Variants in FBXO42 observed in about 807,000 individuals in gnomAD.
FBXO42 encodes F-box protein 42.
FBXO42 carries 12 observed loss-of-function variants against 71.7 expected under a neutral mutation model. The observed-to-expected ratio is 0.17, with a 90% CI of 0.11 to 0.27. The LOEUF (loss-of-function observed/expected upper bound fraction) is 0.27. Among genes scored for constraint, FBXO42 ranks in the 10% least tolerant of loss-of-function variants. FBXO42 has a pLI of 1.00. For missense variants in FBXO42, 707 were observed against 911.9 expected, an observed-to-expected ratio of 0.78 and a Z score of 2.89; for synonymous variants, 325 against 327.5, an observed-to-expected ratio of 0.99 and a Z score of 0.08.
intron 4 of FBXO42, among the ~76,000 whole-genome samples, chr1:16,274,812 G>C (rs570033002): frequency 6.6e-6 from 1 of 151,374 alleles, no homozygotes; most frequent in Non-Finnish European, 1.5e-5. Flanking sequence ...GGATTCTCTC[G>C]ATCTCCTGAT....
At position 16,255,784 on chromosome 1, in the gene FBXO42, T is replaced by C. The variant is rs2081636813; in HGVS notation, c.694A>G (p.Met232Val). The change falls in exon 6 of 10, where the codon ATG becomes GTG. Residue 232 changes from methionine to valine, a missense_variant. Coordinates refer to ENST00000375592, the MANE Select transcript of FBXO42 (RefSeq NM_018994.3). ...ATCACACAGGAGGAGTGGCCAGCCA[T>C]GGGAGGTGGCCCATGGGTTGTCACA... ...CIVTTHGPPP[M>V]AGHSSCVIDD... The C allele has an allele frequency of 6.2e-7, 1 of 1,613,870 alleles. No individual in the cohort carries two copies. The highest frequency in any genetic ancestry group is 1.3e-5 in the African/African-American group (1 of 74,886).
intron 6 of FBXO42, 47 bp from the exon 7 acceptor site, chr1:16,253,778 G>T: frequency 6.5e-7 from 1 of 1,542,962 alleles, no homozygotes. Flanking sequence ...AGCTCCCAGG[G>T]ACCATAATGG....
intron 1 of FBXO42, among the ~76,000 whole-genome samples, chr1:16,326,826 A>G (rs1283663471): frequency 6.6e-6 from 1 of 152,164 alleles, no homozygotes; most frequent in Non-Finnish European, 1.5e-5. Context: ...ACAAACAACT[A>G]ATAAAACATG....
chr1:16,347,929 C>T (rs1233811266), intron 1 of FBXO42, among the ~76,000 whole-genome samples: 1 of 148,580 alleles, frequency 6.7e-6, no homozygotes, highest in Non-Finnish European at 1.5e-5. Flanking sequence ...GTGGAGCTTG[C>T]AGTGAGCCGA....
chr1:16,276,359 G>A (rs2081902873), intron 4 of FBXO42, among the ~76,000 whole-genome samples: 1 of 144,040 alleles, frequency 6.9e-6, no homozygotes, highest in South Asian at 2.2e-4. Flanking sequence ...CAGCCCGGGC[G>A]ACAGACCGAC....
chr1:16,335,497 CCTTCCTT>C (rs992543159), intron 1 of FBXO42, among the ~76,000 whole-genome samples: 1 of 152,138 alleles, frequency 6.6e-6, no homozygotes, highest in Non-Finnish European at 1.5e-5. Flanking sequence ...TTTCCCACTT[CCTTCCTT>C]CTTCCTTCTT....
chr1:16,352,002 G>A (rs1258318806), intron 1 of FBXO42, among the ~76,000 whole-genome samples: 2 of 152,136 alleles, frequency 1.3e-5, no homozygotes, highest in Non-Finnish European at 2.9e-5. Context: ...GTGAGGGGAC[G>A]AGAACCACCC....
intron 4 of FBXO42, among the ~76,000 whole-genome samples, chr1:16,281,626 G>A (rs2081965059): frequency 6.6e-6 from 1 of 151,074 alleles, no homozygotes; most frequent in Non-Finnish European, 1.5e-5. Flanking sequence ...GGATCACCAT[G>A]CCTGGCTAAT....
chr1:16,319,474 T>G (rs555381750), intron 1 of FBXO42, among the ~76,000 whole-genome samples: 1 of 152,308 alleles, frequency 6.6e-6, no homozygotes, highest in South Asian at 2.1e-4. Flanking sequence ...ATCAGCAAAT[T>G]GGTGGCTACT....
At chr1:16,285,663 TC>T (rs2082014387) in intron 4 of FBXO42, among the ~76,000 whole-genome samples, 1 of 152,214 alleles carries the variant, frequency 6.6e-6, no homozygotes, top group African/African-American at 2.4e-5. Flanking sequence ...AGGGTAATTC[TC>T]AGTCTTTACA....
At position 16,300,532 on chromosome 1, in the gene FBXO42, T is replaced by A. The variant is rs1220934453; in HGVS notation, c.367+5271A>T. ...CATTTTCAGACGTCAAATTCTCTTT[T>A]GTTTCTTCACCTGTCTCCAGGGAAA... On this transcript the variant is annotated intron_variant, in intron 3 of 9. Coordinates refer to ENST00000375592, the MANE Select transcript of FBXO42 (RefSeq NM_018994.3). 3.3e-5 allele frequency among the ~76,000 whole-genome samples: 5 copies of A among 152,340 alleles called. No individual in the cohort carries two copies. The East Asian group carries it at 9.6e-4, about 29-fold the overall frequency.
In FBXO42 at chr1:16,297,575, G is replaced by A. The variant is rs905027528; in HGVS notation, c.368-2658C>T. ...CCCCAGAACTCTACTAAGAAGTCAA[G>A]TCCAGGCCGGGCGTGGTGGCTCACG... On this transcript the variant is annotated intron_variant, in intron 3 of 9. Coordinates refer to ENST00000375592, the MANE Select transcript of FBXO42 (RefSeq NM_018994.3). Among the ~76,000 whole-genome samples the A allele has an allele frequency of 2.6e-5, 4 of 152,066 alleles. No individual in the cohort carries two copies. The East Asian group carries it at 7.7e-4, about 29-fold the overall frequency.
intron 4 of FBXO42, among the ~76,000 whole-genome samples, chr1:16,279,559 A>T (rs1009988479): frequency 3.3e-5 from 5 of 152,236 alleles, no homozygotes; most frequent in African/African-American, 4.8e-5. Flanking sequence ...GCTGTGAAAA[A>T]GTTTCTTCAA....
At position 16,308,129 on chromosome 1, in the gene FBXO42, C is replaced by A. The variant is rs192459937; in HGVS notation, c.251-2210G>T. 1.6e-3 allele frequency among the ~76,000 whole-genome samples: 249 copies of A among 152,114 alleles called. 1 individual carries two copies. The highest frequency in any genetic ancestry group is 2.1e-3 in the Non-Finnish European group (145 of 68,006). Reference sequence around the variant, plus strand: ...ACAGAATAGAGAGCCAAGAAATAGACCCATACAAATACAGTCCATTCATTT... The same window carrying A: ...ACAGAATAGAGAGCCAAGAAATAGAACCATACAAATACAGTCCATTCATTT... On this transcript the variant is annotated intron_variant, in intron 2 of 9. Coordinates refer to ENST00000375592, the MANE Select transcript of FBXO42 (RefSeq NM_018994.3).
chr1:16,346,544 TG>T, intron 1 of FBXO42, among the ~76,000 whole-genome samples: 1 of 151,444 alleles, frequency 6.6e-6, no homozygotes, highest in South Asian at 2.1e-4. Context: ...AAAAATTAGC[TG>T]GGCGTGGTGG....
chr1:16,318,129 C>CA (rs2082384893), intron 1 of FBXO42, among the ~76,000 whole-genome samples: 1 of 151,988 alleles, frequency 6.6e-6, no homozygotes, highest in Non-Finnish European at 1.5e-5. Flanking sequence ...TAAAGTTTGT[C>CA]AAAATACTGG....
At chr1:16,338,990 T>C (rs955640583) in intron 1 of FBXO42, among the ~76,000 whole-genome samples, 4 of 151,836 alleles carry the variant, frequency 2.6e-5, no homozygotes, top group Non-Finnish European at 4.4e-5. Context: ...TCTGTATTTT[T>C]AGTAGAGATG....
At chr1:16,256,457 C>A in intron 5 of FBXO42, 149 bp downstream of exon 5, 2 of 778,320 alleles carry the variant, frequency 2.6e-6, no homozygotes, top group East Asian at 2.7e-5. Context: ...TTGGTAAAAT[C>A]TGTGAATATG....
In FBXO42 at chr1:16,315,231, G is replaced by A; in HGVS notation, c.188C>T (p.Ser63Leu). 6.2e-7 allele frequency: 1 copy of A among 1,614,132 alleles called. No individual in the cohort carries two copies. The highest frequency in any genetic ancestry group is 1.3e-5 in the African/African-American group (1 of 75,038). ...EVLEYILSFL[S>L]PYQEHKTAAL... ...CGCAGTTTTGTGTTCCTGATACGGT[G>A]AGAGAAAGGACAGGATATACTCCAA... Residue 63 changes from serine to leucine, a missense_variant, in exon 2 of 10, where the codon TCA (serine) becomes TTA (leucine). Physicochemically the swap from Ser to Leu is moderately radical, Grantham distance 145 (BLOSUM62 -2). This residue lies in a region of FBXO42 where 188 missense variants were observed against 230.5 expected (regional missense o/e 0.82). Coordinates refer to ENST00000375592, the MANE Select transcript of FBXO42 (RefSeq NM_018994.3).
Sources: allele counts gnomAD v4.1 joint callset (sites outside exome capture counted in the v4.1 genomes callset), GRCh38; gene constraint gnomAD v4.1.1; regional missense constraint gnomAD v4.1.1; transcripts MANE v1.5; gene names NCBI Gene and HGNC (gene_info 2026-07-23, HGNC 2026-07-21).